The following ZDHHC7 variants were observed in gnomAD, a reference collection of about 807,000 sequenced individuals.
ZDHHC7 encodes zDHHC palmitoyltransferase 7.
In ZDHHC7, 12 loss-of-function variants were observed where a neutral mutation model predicts 34.1. The ratio of observed to expected loss-of-function variants is 0.35; its 90% CI spans 0.23 to 0.57. The LOEUF is 0.57. ZDHHC7 is among the 20% of genes least tolerant of loss of function. ZDHHC7 has a pLI of 0.84. For synonymous variants in ZDHHC7, 185 were observed against 155.4 expected (o/e 1.19, Z -1.42); for missense variants, 388 against 402.7 (o/e 0.96, Z 0.31).
chr16:84,979,418 T>C, intron 4 of ZDHHC7, 133 bp from the exon 5 acceptor site: 1 of 1,280,204 alleles, frequency 7.8e-7, no homozygotes, highest in East Asian at 2.7e-5. Flanking sequence ...TATCATACAT[T>C]CTCACTATAT....
At chr16:84,983,805 G>A (rs1046668155) in intron 3 of ZDHHC7, among the ~76,000 whole-genome samples, 2 of 151,846 alleles carry the variant, frequency 1.3e-5, no homozygotes, top group Middle Eastern at 3.4e-3. Flanking sequence ...TTCAAGACCA[G>A]CCTGGCAAAG....
intron 3 of ZDHHC7, among the ~76,000 whole-genome samples, chr16:84,982,974 T>C (rs183911644): frequency 1.3e-5 from 2 of 152,282 alleles, no homozygotes; most frequent in East Asian, 1.9e-4. Context: ...AGCAGAGGCT[T>C]TGTTCTTTGG....
chr16:85,024,970 A>AC, the ZDHHC7 span, among the ~76,000 whole-genome samples: 3 of 151,984 alleles, frequency 2.0e-5, no homozygotes, highest in Non-Finnish European at 4.4e-5. Context: ...CTTGGAGGAC[A>AC]CTCTGTAAAA....
intron 6 of ZDHHC7, among the ~76,000 whole-genome samples, chr16:84,977,487 G>C (rs139184480): frequency 3.3e-5 from 5 of 152,210 alleles, no homozygotes; most frequent in Admixed American, 6.5e-5. Flanking sequence ...CTGTATTTAT[G>C]AATTAAATGG....
At chr16:85,019,709 C>T in the ZDHHC7 span, among the ~76,000 whole-genome samples, 1 of 152,142 alleles carries the variant, frequency 6.6e-6, no homozygotes, top group Non-Finnish European at 1.5e-5. Flanking sequence ...CAGAGCAAGA[C>T]TCTGTCTCCA....
Position 84,976,242 on chromosome 16 carries a change from T to C in ZDHHC7, c.*101A>G. The C allele has an allele frequency of 6.9e-7, 1 of 1,445,356 alleles. No homozygotes were observed. Among genetic ancestry groups the C allele is most frequent in the Non-Finnish European group, 9.5e-7 (1 of 1,055,722 alleles). The allele number at this position is 1,445,356 out of a possible 1,614,324, so 89.5% of individuals were successfully genotyped here. On this transcript the variant is annotated 3_prime_UTR_variant, in exon 8 of 8. Transcript: ENST00000313732. ...CTGCAAGCAATTGGTTTGTGTAGGT[T>C]CCAGTTGCCCTGTTGGTCACAGATG...
chr16:84,978,957 G>A (rs2072333427), intron 5 of ZDHHC7, among the ~76,000 whole-genome samples: 1 of 151,922 alleles, frequency 6.6e-6, no homozygotes, highest in Admixed American at 6.6e-5. Context: ...AATAGCGATT[G>A]AGGACATCTG....
At chr16:85,012,270 C>T (rs1438229044), upstream of ZDHHC7, among the ~76,000 whole-genome samples, 1 of 151,264 alleles carries the variant, frequency 6.6e-6, no homozygotes, top group Non-Finnish European at 1.5e-5. Flanking sequence ...GTAATCCCAG[C>T]AGCTACTCGA....
Position 84,990,538 on chromosome 16 carries a change from C to T in ZDHHC7, c.81G>A (p.Ser27=), listed in dbSNP as rs139426376. 8.6e-5 allele frequency: 138 copies of T among 1,613,978 alleles called. 1 individual carries two copies. In the African/African-American group the frequency reaches 1.3e-3, roughly 16 times the overall value. ...CCACGTCAGCCTCGGAGGAGGAGGA[C>T]GATGAAGAGTCATAGTTGTCATTTT... ...LAENDNYDSS[S]SSSSEADVAD... The change falls in exon 3 of 8, where the codon TCG becomes TCA. Residue 27 remains serine (S), a synonymous_variant. Transcript: ENST00000313732.
intron 4 of ZDHHC7, 93 bp downstream of exon 4, chr16:84,981,777 T>C: frequency 6.3e-7 from 1 of 1,598,856 alleles, no homozygotes. Flanking sequence ...GGGGGCCATG[T>C]ACCTACGGTG....
chr16:84,995,741 C>T (rs1219667197), intron 2 of ZDHHC7, among the ~76,000 whole-genome samples, 181 bp downstream of exon 2: 5 of 152,232 alleles, frequency 3.3e-5, no homozygotes, highest in Admixed American at 3.3e-4. Flanking sequence ...GGAGTCCCCT[C>T]CACAGATACA....
chr16:85,022,256 CA>C, the ZDHHC7 span, among the ~76,000 whole-genome samples: 24 of 151,914 alleles, frequency 1.6e-4, no homozygotes, highest in Non-Finnish European at 2.9e-4. Flanking sequence ...CACAGTGGCT[CA>C]CACCTGTAAT....
intron 1 of ZDHHC7, among the ~76,000 whole-genome samples, chr16:85,004,727 G>A (rs977678061): frequency 6.6e-6 from 1 of 152,180 alleles, no homozygotes; most frequent in Non-Finnish European, 1.5e-5. Context: ...ATAAGTAAGG[G>A]AAGGAGGGTG....
chr16:84,985,324 A>G (rs2072422371), intron 3 of ZDHHC7, among the ~76,000 whole-genome samples: 1 of 152,210 alleles, frequency 6.6e-6, no homozygotes, highest in South Asian at 2.1e-4. Flanking sequence ...TTCGCAGAGC[A>G]TGCTTCCGGT....
chr16:84,984,542 A>G (rs1157826526), intron 3 of ZDHHC7, among the ~76,000 whole-genome samples: 1 of 152,106 alleles, frequency 6.6e-6, no homozygotes, highest in Non-Finnish European at 1.5e-5. Flanking sequence ...GTGGCACGAT[A>G]CACTTCTGGA....
chr16:84,979,416 A>T, intron 4 of ZDHHC7, 131 bp from the exon 5 acceptor site: 1 of 1,285,152 alleles, frequency 7.8e-7, no homozygotes, highest in Non-Finnish European at 1.1e-6. Flanking sequence ...AATATCATAC[A>T]TTCTCACTAT....
chr16:85,023,553 G>T, the ZDHHC7 span, among the ~76,000 whole-genome samples: 1 of 152,158 alleles, frequency 6.6e-6, no homozygotes, highest in East Asian at 1.9e-4. Context: ...ACACAGAACT[G>T]GTGCTAATGC....
chr16:84,978,166 T>C, intron 5 of ZDHHC7, 161 bp from the exon 6 acceptor site: 1 of 524,058 alleles, frequency 1.9e-6, no homozygotes, highest in South Asian at 2.5e-5. Flanking sequence ...GCCTCTCAAG[T>C]AGCTGAGACT....
rs149224140 is a variant in ZDHHC7, at chr16:85,003,620, C to T, written c.-103-7613G>A. On this transcript the variant is annotated intron_variant, in intron 1 of 7. Transcript: ENST00000313732. ...CTTTTAAGGAAAAAAAAAATCCACA[C>T]CAGAATATTAACCCAACTCAAGCCA... 4.2e-3 allele frequency among the ~76,000 whole-genome samples: 636 copies of T among 152,240 alleles called. 5 individuals are homozygous for T. Among genetic ancestry groups the T allele is most frequent in the Non-Finnish European group, 6.6e-3 (447 of 68,022 alleles).
Sources: gnomAD v4.1 joint callset for allele counts (sites outside exome capture counted in the v4.1 genomes callset) on GRCh38, gnomAD v4.1.1 for gene constraint, MANE v1.5 for transcripts, NCBI Gene and HGNC (gene_info 2026-07-23, HGNC 2026-07-21) for gene names.